The following OGN variants were observed in gnomAD, a reference collection of about 807,000 sequenced individuals.
OGN encodes the protein osteoglycin.
Under a neutral mutation model 30.8 loss-of-function variants are expected in OGN, and 19 were observed. The observed-to-expected ratio is 0.62, with a 90% CI of 0.43 to 0.90. The LOEUF (loss-of-function observed/expected upper bound fraction) is 0.90. Ranked by LOEUF, OGN falls within the 40% of genes least tolerant of loss-of-function variation. OGN has a pLI of 0.00. For synonymous variants in OGN, 126 were observed against 128.3 expected (o/e 0.98, Z 0.12); for missense variants, 283 against 349.7 (o/e 0.81, Z 1.52).
rs1842601459 is a variant in OGN, at chr9:92,389,940, G to A, written c.544C>T (p.Leu182Phe). The A allele has an allele frequency of 1.2e-6, 2 of 1,612,504 alleles. No individual in the cohort carries two copies. Among genetic ancestry groups the A allele is most frequent in the Admixed American group, 3.3e-5 (2 of 59,986 alleles). Residue 182 changes from leucine to phenylalanine, a missense_variant, in exon 5 of 7, where the codon CTT becomes TTT. Coordinates refer to ENST00000375561, the MANE Select transcript of OGN (RefSeq NM_014057.5). ...LSLAENQLLK[L>F]PVLPPKLTLF... ...GTGAGCTTGGGAGGAAGAACTGGAA[G>A]TTTTAGTAGTTGATTTTCAGCAAGT...
At chr9:92,386,945 G>A (rs1185312644) in intron 5 of OGN, among the ~76,000 whole-genome samples, 2 of 151,742 alleles carry the variant, frequency 1.3e-5, no homozygotes, top group Non-Finnish European at 2.9e-5. Context: ...CTACTCGGGA[G>A]GCTGAGGCAG....
At position 92,389,129 on chromosome 9, in the gene OGN, TTGAA is replaced by T. The variant is rs777671047; in HGVS notation, c.630+721_630+724del. Among the ~76,000 whole-genome samples, 18 of 152,266 alleles carry T rather than the reference TTGAA, an allele frequency of 1.2e-4. No homozygotes were observed. The East Asian group carries it at 2.5e-3, about 21-fold the overall frequency. ...CTTTAGAAGCAAGAAACCTTGCCTT[TTGAA>T]TGAGATTATGTCTGTTACCAGCAAT... On this transcript the variant is annotated intron_variant, in intron 5 of 6. Coordinates refer to ENST00000375561, the MANE Select transcript of OGN (RefSeq NM_014057.5).
At chr9:92,387,123 A>C (rs192015848) in intron 5 of OGN, among the ~76,000 whole-genome samples, 165 of 151,266 alleles carry the variant, frequency 1.1e-3, no homozygotes, top group Non-Finnish European at 1.9e-3. Context: ...CTGTAATCCC[A>C]GTACTTTGAG....
chr9:92,396,880 A>G (rs1490110264), intron 3 of OGN, among the ~76,000 whole-genome samples: 2 of 152,150 alleles, frequency 1.3e-5, no homozygotes, highest in Non-Finnish European at 2.9e-5. Flanking sequence ...GGATTTAAAA[A>G]CATTTTGTCA....
chr9:92,387,821 T>A (rs377277144), intron 5 of OGN, among the ~76,000 whole-genome samples: 2 of 152,096 alleles, frequency 1.3e-5, no homozygotes, highest in African/African-American at 4.8e-5. Context: ...TGTAGTGCAG[T>A]GTCATGATCT....
In OGN at chr9:92,389,946, G is replaced by C. The variant is rs746882470; in HGVS notation, c.538C>G (p.Leu180Val). The C allele has an allele frequency of 6.2e-7, 1 of 1,612,314 alleles. No individual in the cohort carries two copies. Among genetic ancestry groups the C allele is most frequent in the Non-Finnish European group, 8.5e-7 (1 of 1,178,752 alleles). ...TTGGGAGGAAGAACTGGAAGTTTTAGTAGTTGATTTTCAGCAAGTGAAAGT... is the reference window on the plus strand; with the variant it reads ...TTGGGAGGAAGAACTGGAAGTTTTACTAGTTGATTTTCAGCAAGTGAAAGT... ...EELSLAENQL[L>V]KLPVLPPKLT... The change falls in exon 5 of 7, where the codon CTA (leucine) becomes GTA (valine). Residue 180 changes from leucine (L) to valine (V), a missense_variant. Coordinates refer to ENST00000375561, the MANE Select transcript of OGN (RefSeq NM_014057.5).
chr9:92,392,956 A>G (rs746556974), intron 4 of OGN, 130 bp downstream of exon 4: 6 of 650,620 alleles, frequency 9.2e-6, no homozygotes, highest in East Asian at 2.8e-5. Flanking sequence ...TTTGTGAAAC[A>G]TGTTAGATAT....
At chr9:92,393,957 TCAAC>T (rs1842790098) in intron 3 of OGN, among the ~76,000 whole-genome samples, 1 of 152,166 alleles carries the variant, frequency 6.6e-6, no homozygotes, top group African/African-American at 2.4e-5. Context: ...GTCACTTGGT[TCAAC>T]TAGTATTTGC....
At chr9:92,396,714 GC>G (rs1429726685) in intron 3 of OGN, among the ~76,000 whole-genome samples, 6 of 151,798 alleles carry the variant, frequency 4.0e-5, no homozygotes, top group Admixed American at 3.9e-4. Context: ...ACAGGTTTGT[GC>G]CACCACACCT....
chr9:92,387,416 C>G (rs914886750), intron 5 of OGN, among the ~76,000 whole-genome samples: 3 of 151,966 alleles, frequency 2.0e-5, no homozygotes, highest in African/African-American at 7.2e-5. Flanking sequence ...AAGATGTTTC[C>G]CAAAGCAGTT....
chr9:92,390,576 G>A (rs901504690), intron 4 of OGN, among the ~76,000 whole-genome samples: 1 of 151,034 alleles, frequency 6.6e-6, no homozygotes, highest in African/African-American at 2.4e-5. Flanking sequence ...GTGTGTGTGT[G>A]TGTGTGTGTG....
At chr9:92,404,020 A>G (rs1843226064) in intron 1 of OGN, among the ~76,000 whole-genome samples, 2 of 152,184 alleles carry the variant, frequency 1.3e-5, no homozygotes, top group Admixed American at 6.5e-5. Context: ...GGTGATCATA[A>G]TTTTTAGTTA....
At chr9:92,386,081 A>G in intron 6 of OGN, 120 bp downstream of exon 6, 3 of 720,230 alleles carry the variant, frequency 4.2e-6, no homozygotes, top group East Asian at 2.6e-5. Context: ...ACATTTAGCT[A>G]TCACGCTACT....
At chr9:92,395,049 A>T (rs939937349) in intron 3 of OGN, among the ~76,000 whole-genome samples, 2 of 152,048 alleles carry the variant, frequency 1.3e-5, no homozygotes, top group African/African-American at 4.8e-5. Flanking sequence ...TTTTGTGGTT[A>T]GCTGACTTAC....
Position 92,386,225 on chromosome 9 carries a change from T to G in OGN, c.702A>C (p.Glu234Asp), listed in dbSNP as rs1342386738. ...CCTGAAGATGAATTACACGTAGACT[T>G]TCTGGTAAATTAAGAGGCACGGATT... ...ALESVPLNLP[E>D]SLRVIHLQFN... Residue 234 changes from glutamate (E) to aspartate (D), a missense_variant, in exon 6 of 7, where the codon GAA becomes GAC. By Grantham distance (45) the Glu-to-Asp change is conservative. Coordinates refer to ENST00000375561, the MANE Select transcript of OGN (RefSeq NM_014057.5). 6.2e-7 allele frequency: 1 copy of G among 1,611,816 alleles called. No individual in the cohort carries two copies. Among genetic ancestry groups the G allele is most frequent in the African/African-American group, 1.3e-5 (1 of 74,872 alleles).
At chr9:92,398,899 A>G (rs1442446273) in intron 3 of OGN, among the ~76,000 whole-genome samples, 3 of 152,062 alleles carry the variant, frequency 2.0e-5, no homozygotes, top group African/African-American at 7.2e-5. Context: ...TGTCTCTACT[A>G]AAAATACAAT....
chr9:92,393,065 T>G, intron 4 of OGN, 21 bp downstream of exon 4: 1 of 1,602,322 alleles, frequency 6.2e-7, no homozygotes, highest in South Asian at 1.1e-5. Context: ...AATACTAATA[T>G]CATATTTCAG....
rs141893151 is a variant in OGN at position 92,401,090 on chromosome 9, A to G, written c.268+2T>C. The G allele has an allele frequency of 1.4e-4, 194 of 1,355,508 alleles. No individual in the cohort carries two copies. The African/African-American group carries it at 2.4e-3, about 17-fold the overall frequency. The allele number at this position is 1,355,508 out of a possible 1,614,324, so 84.0% of individuals were successfully genotyped here. On this transcript the variant is annotated splice_donor_variant, in intron 3 of 6. Transcript: ENST00000375561. LOFTEE classifies it high-confidence loss of function. ...TTTGAAAAATATTTAGATGATACTT[A>G]CCATCATTTTCTTTCTTGGGAGGTA...
intron 3 of OGN, among the ~76,000 whole-genome samples, chr9:92,398,417 C>A (rs946384022): frequency 6.6e-6 from 1 of 152,042 alleles, no homozygotes; most frequent in African/African-American, 2.4e-5. Flanking sequence ...ACTGCCATCC[C>A]CTCTCCCCCA....
Sources: gnomAD v4.1 joint callset for allele counts (sites outside exome capture counted in the v4.1 genomes callset) on GRCh38, gnomAD v4.1.1 for gene constraint, MANE v1.5 for transcripts, NCBI Gene and HGNC (gene_info 2026-07-23, HGNC 2026-07-21) for gene names.